The following ABCC10 variants were observed in gnomAD, a reference collection of about 807,000 sequenced individuals.
ABCC10 encodes the protein ATP binding cassette subfamily C member 10.
In ABCC10, 110 loss-of-function variants were observed where a neutral mutation model predicts 143.2. The observed-to-expected ratio is 0.77, with a 90% CI of 0.66 to 0.90. ABCC10 has a LOEUF of 0.90. Ranked by LOEUF, ABCC10 falls within the 40% of genes least tolerant of loss-of-function variation. The probability of loss-of-function intolerance (pLI) is 0.00; values close to 1 mark genes in which losing one functional copy is unlikely to be tolerated. For synonymous variants in ABCC10, 805 were observed against 846.7 expected (o/e 0.95, Z 0.85); for missense variants, 1,700 against 1,900.5 (o/e 0.89, Z 1.96).
rs751618066 is a variant in ABCC10 at position 43,432,562 on chromosome 6, A to T, written c.582A>T (p.Gly194=). The T allele has an allele frequency of 6.2e-7, 1 of 1,613,250 alleles. No homozygotes were observed. The highest frequency in any genetic ancestry group is 8.5e-7 in the Non-Finnish European group (1 of 1,179,984). The change falls in exon 3 of 22, where the codon GGA becomes GGT. Residue 194 remains glycine, a synonymous_variant. Coordinates refer to ENST00000372530, the MANE Select transcript of ABCC10 (RefSeq NM_001198934.2). The part of the protein sequence containing the change: ...AYALGWAAPG[G]PREPWAQEPL... ...CACTGGGATGGGCAGCTCCTGGGGG[A>T]CCACGAGAACCCTGGGCTCAGGAGC...
chr6:43,450,346 G>A lies in ABCC10; in HGVS notation c.*255G>A, dbSNP rs957592845. On this transcript the variant is annotated 3_prime_UTR_variant, in exon 22 of 22. Transcript: ENST00000372530. The surrounding 1 kb of genome is among the most constrained non-coding windows in gnomAD (Gnocchi z 4.5). ...CCAGGTGGGTTTTTCTGGCATAGGA[G>A]CCCACTTGCATTTTCATAGTTTTAT... 1.2e-4 allele frequency: 110 copies of A among 908,024 alleles called. No homozygotes were observed. Among genetic ancestry groups the A allele is most frequent in the Non-Finnish European group, 1.2e-4 (75 of 634,506 alleles). 56.2% of individuals were successfully genotyped at this position (908,024 alleles called of 1,614,324 possible). A position where few individuals can be genotyped will look rare whatever the true frequency, so the allele number is the denominator to read the frequency against.
chr6:43,441,766 A>T, intron 8 of ABCC10, 96 bp from the exon 9 acceptor site: 3 of 969,344 alleles, frequency 3.1e-6, no homozygotes, highest in Non-Finnish European at 4.6e-6. Context: ...CAAGCTCCCT[A>T]CTTCTCTTGA....
chr6:43,446,297 G>A lies in ABCC10; in HGVS notation c.3395G>A (p.Arg1132Gln), dbSNP rs142117290. 460 of 1,613,830 alleles carry A rather than the reference G, an allele frequency of 2.9e-4. 2 individuals are homozygous for A. The African/African-American group carries it at 5.4e-3, about 19-fold the overall frequency. The part of the protein sequence containing the change: ...ATYRFEEENL[R>Q]LLELNQRCQF... ...CCTAGGTTTGAGGAGGAGAACCTGC[G>A]ACTCCTTGAGCTAAACCAGAGGTGC... The change falls in exon 16 of 22, where the codon CGA (arginine) becomes CAA (glutamine). Residue 1132 changes from arginine (R) to glutamine (Q), a missense_variant. Transcript: ENST00000372530.
At chr6:43,451,411 T>C (rs1282717510), downstream of ABCC10, 8 of 1,167,446 alleles carry the variant, frequency 6.9e-6, no homozygotes, top group African/African-American at 1.1e-4. This position sits in a 1 kb window ranked among gnomAD's most constrained non-coding sequence, Gnocchi z 4.4. Context: ...ATTTTAAAAA[T>C]GAGAATAAAA....
Position 43,447,407 on chromosome 6 carries a change from A to G in ABCC10, c.3704A>G (p.Gln1235Arg), listed in dbSNP as rs148109801. Reference sequence around the variant, plus strand: ...CAGGAACCCCAGGGCCAGCCACTGCAGGTGGGCCTGTACCCCCACCCCAGG... The same window carrying G: ...CAGGAACCCCAGGGCCAGCCACTGCGGGTGGGCCTGTACCCCCACCCCAGG... ...LPQEPQGQPL[Q>R]LGTGWLTQGG... The change falls in exon 17 of 22, where the codon CAG (glutamine) becomes CGG (arginine). Residue 1235 changes from glutamine (Q) to arginine (R), a missense_variant and splice_region_variant. Transcript: ENST00000372530. 65 of 1,612,892 alleles carry G rather than the reference A, an allele frequency of 4.0e-5. No homozygotes were observed. The highest frequency in any genetic ancestry group is 5.3e-5 in the Non-Finnish European group (62 of 1,179,848).
chr6:43,437,433 C>CAAAAAAA (rs57827467), intron 6 of ABCC10, among the ~76,000 whole-genome samples: 59 of 102,362 alleles, frequency 5.8e-4, no homozygotes, highest in African/African-American at 3.7e-3. Flanking sequence ...AACATATGAC[C>CAAAAAAA]AAAAAAAAAA....
rs371964238 is a variant in ABCC10, at chr6:43,432,647, C to T, written c.667C>T (p.Arg223Cys). 1.8e-5 allele frequency: 29 copies of T among 1,613,890 alleles called. No individual in the cohort carries two copies. The highest frequency in any genetic ancestry group is 4.4e-5 in the South Asian group (4 of 91,086). ...VAEDGESWLS[R>C]FSYAWLAPLL... The stretch of plus-strand genomic sequence containing the variant: ...TGAAGATGGGGAGAGTTGGCTGTCA[C>T]GCTTTTCCTATGCCTGGCTGGCACC... Residue 223 changes from arginine (R) to cysteine (C), a missense_variant, in exon 3 of 22, where the codon CGC (arginine) becomes TGC (cysteine). Arg to Cys is a radical substitution (Grantham distance 180, BLOSUM62 -3). Coordinates refer to ENST00000372530, the MANE Select transcript of ABCC10 (RefSeq NM_001198934.2).
intron 15 of ABCC10, 121 bp downstream of exon 15, chr6:43,446,063 G>A (rs1783038080): frequency 8.0e-7 from 1 of 1,243,558 alleles, no homozygotes. Context: ...GGATGGGGAA[G>A]GAGGAAAGCA....
At chr6:43,438,901 C>A in intron 8 of ABCC10, 106 bp downstream of exon 8, 1 of 1,360,880 alleles carries the variant, frequency 7.3e-7, no homozygotes, top group Non-Finnish European at 1.0e-6. Context: ...TCTACTCGGG[C>A]ATCACTTATC....
At chr6:43,451,100 G>A (rs145968772), downstream of ABCC10, 12 of 1,614,130 alleles carry the variant, frequency 7.4e-6, no homozygotes, top group African/African-American at 1.5e-4. The surrounding 1 kb of genome is among the most constrained non-coding windows in gnomAD (Gnocchi z 4.4). Context: ...GACAGAGGCA[G>A]GAGAAGCGGT....
chr6:43,429,372 TTGTGTGTGTG>T (rs1201780354), intron 2 of ABCC10, among the ~76,000 whole-genome samples: 3,541 of 98,206 alleles, frequency 0.036, 95 homozygotes, highest in Middle Eastern at 0.057. Flanking sequence ...CTTTTCTTTC[TTGTGTGTGTG>T]TGTGTGTGTG....
chr6:43,447,940 C>T lies in ABCC10; in HGVS notation c.3959+3C>T, dbSNP rs762757373. On this transcript the variant is annotated splice_donor_region_variant and intron_variant, in intron 18 of 21. Transcript: ENST00000372530. The stretch of plus-strand genomic sequence containing the variant: ...CAGCTGGAGCTGGCCCAGCTCAGGT[C>T]TGGGGGAGATGGACTTGGGAGGGGA... 3 of 1,612,494 alleles carry T rather than the reference C, an allele frequency of 1.9e-6. No homozygotes were observed. The African/African-American group carries it at 4.0e-5, about 21-fold the overall frequency.
chr6:43,446,958 C>T lies in ABCC10; in HGVS notation c.3545-290C>T, dbSNP rs1039063053. The T allele has an allele frequency of 1.5e-5, 13 of 865,888 alleles. No homozygotes were observed. The African/African-American group carries it at 2.2e-4, about 14-fold the overall frequency. The allele number at this position is 865,888 out of a possible 1,614,324, so 53.6% of individuals were successfully genotyped here. ...TGCCTCCTGGGTTCAAGCAATTCTC[C>T]TGTCTCAGCCTCCCAAGTAGCTGGG... On this transcript the variant is annotated intron_variant, in intron 16 of 21. Transcript: ENST00000372530.
chr6:43,445,228 A>G lies in ABCC10; in HGVS notation c.2944A>G (p.Thr982Ala). 1 of 1,613,438 alleles carries G rather than the reference A, an allele frequency of 6.2e-7. No individual in the cohort carries two copies. Among genetic ancestry groups the G allele is most frequent in the South Asian group, 1.1e-5 (1 of 91,054 alleles). The change falls in exon 14 of 22, where the codon ACC (threonine) becomes GCC (alanine). Residue 982 changes from threonine to alanine, a missense_variant. Physicochemically the swap from Thr to Ala is moderately conservative, Grantham distance 58. Coordinates refer to ENST00000372530, the MANE Select transcript of ABCC10 (RefSeq NM_001198934.2). ...ATIAGVNSLC[T>A]LLRAVLFAAG... ...CATTGCTGGTGTAAATTCCCTCTGC[A>G]CCCTTCTCCGGGCAGTGCTCTTTGC...
downstream of ABCC10, chr6:43,451,217 G>A (rs1176529541): frequency 1.9e-6 from 3 of 1,614,184 alleles, no homozygotes; most frequent in Non-Finnish European, 2.5e-6. The surrounding 1 kb of genome is among the most constrained non-coding windows in gnomAD (Gnocchi z 4.4). Flanking sequence ...AGCGGCACGT[G>A]AAGTTGAGAG....
At chr6:43,427,899 C>A in intron 1 of ABCC10, 69 bp from the exon 2 acceptor site, 1 of 1,567,874 alleles carries the variant, frequency 6.4e-7, no homozygotes, top group Non-Finnish European at 8.8e-7. Context: ...GACAGGGAGA[C>A]CCGGCTGGGA....
chr6:43,445,997 A>C, intron 15 of ABCC10, 55 bp downstream of exon 15: 1 of 1,531,466 alleles, frequency 6.5e-7, no homozygotes, highest in Non-Finnish European at 8.9e-7. Context: ...GAAAAGAGAG[A>C]CCCCCAAGAA....
At chr6:43,440,674 C>T (rs1304855454) in intron 8 of ABCC10, among the ~76,000 whole-genome samples, 3 of 151,458 alleles carry the variant, frequency 2.0e-5, no homozygotes, top group African/African-American at 7.3e-5. Context: ...CCAGCCTGGC[C>T]AACATGGTGA....
At chr6:43,437,901 C>T in intron 6 of ABCC10, 33 bp from the exon 7 acceptor site, 1 of 1,602,818 alleles carries the variant, frequency 6.2e-7, no homozygotes, top group Non-Finnish European at 8.5e-7. Context: ...CTGTCTCCTA[C>T]CAATAGCAGA....
Sources: allele counts gnomAD v4.1 joint callset (sites outside exome capture counted in the v4.1 genomes callset), GRCh38; gene constraint gnomAD v4.1.1; non-coding constraint Gnocchi (gnomAD v3.1); transcripts MANE v1.5; gene names NCBI Gene and HGNC (gene_info 2026-07-23, HGNC 2026-07-21).